FBXO46: variants seen among roughly 807,000 people sequenced by gnomAD.
The protein encoded by FBXO46 is F-box only protein 46.
FBXO46 carries 13 observed loss-of-function variants against 30.7 expected under a neutral mutation model. The ratio of observed to expected loss-of-function variants is 0.42; its 90% CI spans 0.28 to 0.67. The LOEUF (loss-of-function observed/expected upper bound fraction) is 0.67, where lower values mean the gene tolerates loss of function less well. Ranked by LOEUF, FBXO46 falls within the 30% of genes least tolerant of loss-of-function variation. The pLI is 0.21. For missense variants in FBXO46, 754 were observed against 871.5 expected (o/e 0.87, Z 1.70); for synonymous variants, 467 against 385.8 (o/e 1.21, Z -2.47).
intron 1 of FBXO46, among the ~76,000 whole-genome samples, chr19:45,726,187 T>TA (rs1444935156): frequency 6.6e-6 from 1 of 151,778 alleles, no homozygotes; most frequent in Non-Finnish European, 1.5e-5. Context: ...ACAAAAAAGA[T>TA]ACAAAAATTA....
chr19:45,713,015 CGGGGCCCTCCTCAGCAGCAGG>C lies in FBXO46; in HGVS notation c.460_480del (p.Pro154_Pro160del), dbSNP rs1475333960. On this transcript the variant is annotated inframe_deletion, in exon 2 of 2. Coordinates refer to ENST00000317683, the MANE Select transcript of FBXO46 (RefSeq NM_001080469.2). This position sits in a 1 kb window ranked among gnomAD's most constrained non-coding sequence, Gnocchi z 4.7. ...AGGTCCACGTCCTCACCGGCTGAGG[CGGGGCCCTCCTCAGCAGCAGG>C]GGGGCCCTCCCGGCCCCCTGGGTCA... The C allele has an allele frequency of 4.5e-6, 7 of 1,555,580 alleles. No individual in the cohort carries two copies. Among genetic ancestry groups the C allele is most frequent in the Admixed American group, 2.0e-5 (1 of 50,618 alleles).
At chr19:45,715,833 AAAC>A (rs1377170704) in intron 1 of FBXO46, 1 of 151,378 alleles carries the variant, frequency 6.6e-6, no homozygotes, top group Non-Finnish European at 1.5e-5. Flanking sequence ...AAAAGAAAGA[AAAC>A]AAAACAAAAT....
intron 1 of FBXO46, chr19:45,715,415 C>T (rs1318183057): frequency 1.3e-5 from 2 of 152,168 alleles, no homozygotes; most frequent in Non-Finnish European, 2.9e-5. Context: ...AATAGCAGAA[C>T]AAAGACCACA....
chr19:45,713,349 C>T lies in FBXO46; in HGVS notation c.147G>A (p.Gly49=). ...GTGGTGTGTTCTCTGAGTGGGCAGG[C>T]CCATGGTCTGGCTCGGCCCCGCCAC... is the stretch of plus-strand genomic sequence containing the variant. ...EPGGGAEPDH[G]PAHSENTPPA... Residue 49 remains glycine, a synonymous_variant, in exon 2 of 2, where the codon GGG becomes GGA. Coordinates refer to ENST00000317683, the MANE Select transcript of FBXO46 (RefSeq NM_001080469.2). The surrounding 1 kb of genome is among the most constrained non-coding windows in gnomAD (Gnocchi z 4.7). The T allele has an allele frequency of 6.2e-7, 1 of 1,612,866 alleles. No individual in the cohort carries two copies. Among genetic ancestry groups the T allele is most frequent in the Non-Finnish European group, 8.5e-7 (1 of 1,179,332 alleles).
intron 1 of FBXO46, chr19:45,715,604 C>T (rs1221868123): frequency 6.6e-6 from 1 of 152,094 alleles, no homozygotes; most frequent in African/African-American, 2.4e-5. Context: ...GTCAGGAATT[C>T]GAGATCAGCC....
chr19:45,712,906 G>T lies in FBXO46; in HGVS notation c.590C>A (p.Ala197Glu). 6.2e-7 allele frequency: 1 copy of T among 1,612,308 alleles called. No homozygotes were observed. The highest frequency in any genetic ancestry group is 1.7e-5 in the Admixed American group (1 of 59,794). ...CTCGGCGGACACAAAGACTACAGGC[G>T]CTGGGGTGGTCGGTCGTGGGTAGCT... ...LQSYPRPTTPAPVVFVSAEQG... is the reference protein window; with the variant it reads ...LQSYPRPTTPEPVVFVSAEQG... The change falls in exon 2 of 2, where the codon GCG becomes GAG. Residue 197 changes from alanine (A) to glutamate (E), a missense_variant. Physicochemically the swap from Ala to Glu is moderately radical, Grantham distance 107. Coordinates refer to ENST00000317683, the MANE Select transcript of FBXO46 (RefSeq NM_001080469.2). The surrounding 1 kb of genome is among the most constrained non-coding windows in gnomAD (Gnocchi z 8.8).
At chr19:45,718,627 TAGAG>T (rs1568547590) in intron 1 of FBXO46, among the ~76,000 whole-genome samples, 3 of 151,986 alleles carry the variant, frequency 2.0e-5, no homozygotes, top group East Asian at 1.9e-4. Flanking sequence ...GCAGTTTTAT[TAGAG>T]AGGCCTTCTC....
Position 45,711,653 on chromosome 19 carries a change from G to A in FBXO46, c.*31C>T, listed in dbSNP as rs1021395727. 3 of 1,488,348 alleles carry A rather than the reference G, an allele frequency of 2.0e-6. No homozygotes were observed. The highest frequency in any genetic ancestry group is 2.7e-6 in the Non-Finnish European group (3 of 1,104,462). The allele number at this position is 1,488,348 out of a possible 1,614,324, so 92.2% of individuals were successfully genotyped here. ...CCGGGGGGAGAGGGGAGGGGTGGGC[G>A]TGGTGGGCTCTCCCCTCCCCTCCCC... On this transcript the variant is annotated 3_prime_UTR_variant, in exon 2 of 2. Transcript: ENST00000317683.
intron 1 of FBXO46, among the ~76,000 whole-genome samples, chr19:45,727,818 T>TAAC (rs59825311): frequency 0.03 from 4,539 of 152,064 alleles, 216 homozygotes; most frequent in African/African-American, 0.1. Context: ...AAAAGCAAAC[T>TAAC]AACAACAACA....
intron 1 of FBXO46, chr19:45,714,420 CTG>C (rs900726126): frequency 6.6e-6 from 1 of 151,320 alleles, no homozygotes; most frequent in Non-Finnish European, 1.5e-5. Flanking sequence ...TTTATTAAAG[CTG>C]TGTGTCCTCA....
intron 1 of FBXO46, among the ~76,000 whole-genome samples, chr19:45,720,288 T>G (rs1457520541): frequency 6.6e-6 from 1 of 151,850 alleles, no homozygotes; most frequent in East Asian, 1.9e-4. Flanking sequence ...TGCGCCACCA[T>G]GTCCAGATAA....
In FBXO46 at chr19:45,713,095, C is replaced by G; in HGVS notation, c.401G>C (p.Arg134Pro). Residue 134 changes from arginine to proline, a missense_variant, in exon 2 of 2, where the codon CGG (arginine) becomes CCG (proline). Around this residue, in one of 5 missense-constraint regions of FBXO46, gnomAD observed 39 missense variants for 56.5 expected, o/e 0.69. Coordinates refer to ENST00000317683, the MANE Select transcript of FBXO46 (RefSeq NM_001080469.2). The surrounding 1 kb of genome is among the most constrained non-coding windows in gnomAD (Gnocchi z 4.7). ...WGSDSSKAKR[R>P]RRCLDPTKAP... The stretch of plus-strand genomic sequence containing the variant: ...CTTGGTGGGGTCAAGACAGCGCCTC[C>G]GCCGCTTGGCCTTGGAGCTATCGCT... 6.2e-7 allele frequency: 1 copy of G among 1,603,250 alleles called. No homozygotes were observed. Among genetic ancestry groups the G allele is most frequent in the Non-Finnish European group, 8.5e-7 (1 of 1,175,198 alleles).
At chr19:45,732,039 C>T (rs1471954579), upstream of FBXO46, among the ~76,000 whole-genome samples, 1 of 151,444 alleles carries the variant, frequency 6.6e-6, no homozygotes, top group African/African-American at 2.4e-5. Context: ...ATGGCGTGAA[C>T]CCAGGAGGCG....
intron 1 of FBXO46, among the ~76,000 whole-genome samples, chr19:45,729,112 C>A (rs891565098): frequency 1.3e-5 from 2 of 150,620 alleles, no homozygotes; most frequent in Non-Finnish European, 3.0e-5. Flanking sequence ...AAAAACAAAA[C>A]AAAACTAAAC....
At chr19:45,731,181 T>A (rs1968305998), upstream of FBXO46, among the ~76,000 whole-genome samples, 1 of 152,114 alleles carries the variant, frequency 6.6e-6, no homozygotes, top group Non-Finnish European at 1.5e-5. Context: ...GGGAAGGGAA[T>A]TGAGAATATT....
intron 1 of FBXO46, among the ~76,000 whole-genome samples, chr19:45,717,624 C>T (rs1968115839): frequency 6.6e-6 from 1 of 152,226 alleles, no homozygotes; most frequent in Admixed American, 6.5e-5. Context: ...AAGGCCACGA[C>T]ACTCCAGGGG....
In FBXO46 at chr19:45,712,826, A is replaced by G. The variant is rs765371911; in HGVS notation, c.670T>C (p.Cys224Arg). The change falls in exon 2 of 2, where the codon TGC (cysteine) becomes CGC (arginine). Residue 224 changes from cysteine to arginine, a missense_variant. Transcript: ENST00000317683. The surrounding 1 kb of genome is among the most constrained non-coding windows in gnomAD (Gnocchi z 8.8). ...GCCACGGCCTCGGCTACACGGCTGC[A>G]GTCCCCACCACCGGACCGCCGTTCA... The part of the protein sequence containing the change: ...GSERRSGGGD[C>R]SRVAEAVAHF... 6.2e-7 allele frequency: 1 copy of G among 1,612,772 alleles called. No individual in the cohort carries two copies. Among genetic ancestry groups the G allele is most frequent in the Non-Finnish European group, 8.5e-7 (1 of 1,179,572 alleles).
In FBXO46 at chr19:45,713,537, C is replaced by T; in HGVS notation, c.-42G>A. ...AGACAGGCTGGGCTTCAGCGCATCTCAGGACCTAGGTGGTGGTGGGAGGCT... is the reference window on the plus strand; with the variant it reads ...AGACAGGCTGGGCTTCAGCGCATCTTAGGACCTAGGTGGTGGTGGGAGGCT... On this transcript the variant is annotated 5_prime_UTR_variant, in exon 2 of 2. An upstream open reading frame in the 5' UTR loses its in-frame stop. Transcript: ENST00000317683. This position sits in a 1 kb window ranked among gnomAD's most constrained non-coding sequence, Gnocchi z 4.7. 1.3e-6 allele frequency: 2 copies of T among 1,490,714 alleles called. No individual in the cohort carries two copies. The highest frequency in any genetic ancestry group is 1.8e-6 in the Non-Finnish European group (2 of 1,110,092). 92.3% of individuals were successfully genotyped at this position (1,490,714 alleles called of 1,614,324 possible). A position where few individuals can be genotyped will look rare whatever the true frequency, so the allele number is the denominator to read the frequency against.
upstream of FBXO46, chr19:45,731,009 G>C (rs539581309): frequency 4.6e-5 from 7 of 152,400 alleles, no homozygotes; most frequent in East Asian, 5.8e-4. Context: ...GCTTGGAGGT[G>C]GGGTAGGAAG....
Sources: allele counts gnomAD v4.1 joint callset (sites outside exome capture counted in the v4.1 genomes callset), GRCh38; gene constraint gnomAD v4.1.1; regional missense constraint gnomAD v4.1.1; non-coding constraint Gnocchi (gnomAD v3.1); transcripts MANE v1.5; gene names NCBI Gene and HGNC (gene_info 2026-07-23, HGNC 2026-07-21).